SEC14L5: variants seen among roughly 807,000 people sequenced by gnomAD.
SEC14L5 encodes SEC14-like protein 5.
SEC14L5 carries 96 observed loss-of-function variants against 84.6 expected under a neutral mutation model. That is an observed-to-expected ratio of 1.13 (90% CI 0.96 to 1.34). The LOEUF (loss-of-function observed/expected upper bound fraction) is 1.34. SEC14L5 is among the 40% of genes most tolerant of loss of function. The pLI is 0.00. For missense variants in SEC14L5, 1,224 were observed against 942.5 expected, an observed-to-expected ratio of 1.30 and a Z score of -3.91; for synonymous variants, 546 against 383.4, an observed-to-expected ratio of 1.42 and a Z score of -4.95.
At chr16:4,981,255 GTTTTTTTTTTT>G (rs58882220) in intron 2 of SEC14L5, among the ~76,000 whole-genome samples, 4 of 92,934 alleles carry the variant, frequency 4.3e-5, no homozygotes, top group South Asian at 3.3e-4. Flanking sequence ...TAGCTAATTG[GTTTTTTTTTTT>G]TTTTTTTTTT....
In SEC14L5 at chr16:5,015,107, T is replaced by C; in HGVS notation, c.*137T>C. 1 of 659,330 alleles carries C rather than the reference T, an allele frequency of 1.5e-6. No individual in the cohort carries two copies. The highest frequency in any genetic ancestry group is 1.9e-5 in the South Asian group (1 of 53,060). The allele number at this position is 659,330 out of a possible 1,614,324, so 40.8% of individuals were successfully genotyped here. A position where few individuals can be genotyped will look rare whatever the true frequency, so the allele number is the denominator to read the frequency against. On this transcript the variant is annotated 3_prime_UTR_variant, in exon 16 of 16. Transcript: ENST00000251170. ...TAGATGCTGCCCAAGTTGGGGTGTC[T>C]GGAGCGGATGGCAAGGATCCAGAAC...
chr16:5,013,887 C>G (rs984171584), intron 15 of SEC14L5, among the ~76,000 whole-genome samples: 4 of 151,812 alleles, frequency 2.6e-5, no homozygotes, highest in Non-Finnish European at 4.4e-5. Context: ...GAGATGGGGT[C>G]TCACTATTTT....
chr16:5,000,013 C>T (rs1955657340), intron 8 of SEC14L5, among the ~76,000 whole-genome samples: 1 of 151,852 alleles, frequency 6.6e-6, no homozygotes, highest in African/African-American at 2.4e-5. Context: ...ATTATGGGGC[C>T]AGCTGCGGTG....
chr16:4,981,851 C>T (rs567743942), intron 2 of SEC14L5, among the ~76,000 whole-genome samples: 7 of 152,146 alleles, frequency 4.6e-5, no homozygotes, highest in Non-Finnish European at 7.3e-5. Flanking sequence ...GGACTTCTAA[C>T]CAGGCAGTCT....
At chr16:4,973,278 G>A (rs902484758) in intron 2 of SEC14L5, among the ~76,000 whole-genome samples, 2 of 152,202 alleles carry the variant, frequency 1.3e-5, no homozygotes, top group Non-Finnish European at 2.9e-5. Flanking sequence ...ACGCTGTTCT[G>A]ACCCTGTGTC....
At position 5,011,152 on chromosome 16, in the gene SEC14L5, C is replaced by A. The variant is rs199905767; in HGVS notation, c.1858C>A (p.Pro620Thr). The A allele has an allele frequency of 5.4e-4, 878 of 1,612,552 alleles. 2 individuals are homozygous for A. The African/African-American group carries it at 7.8e-3, about 14-fold the overall frequency. Residue 620 changes from proline (P) to threonine (T), a missense_variant, in exon 15 of 16, where the codon CCC (proline) becomes ACC (threonine). Transcript: ENST00000251170. ...CCTGCTCCAGTGGCAAATGCACAGC[C>A]CCCCCAGCAGCGTGGCCTGCAGCCT... ...VYLLQWQMHS[P>T]PSSVACSLPG...
chr16:4,960,528 G>A lies in SEC14L5; in HGVS notation c.63+1142G>A, dbSNP rs1955109587. On this transcript the variant is annotated intron_variant, in intron 2 of 15. Transcript: ENST00000251170. ...ATGCGTATATGTTTATTGTCACACAGAGGATTTAAAAGCATCACCAAAATC... is the reference window on the plus strand; with the variant it reads ...ATGCGTATATGTTTATTGTCACACAAAGGATTTAAAAGCATCACCAAAATC... 2.0e-5 allele frequency: 3 copies of A among 152,216 alleles called. No homozygotes were observed. In the South Asian group the frequency reaches 6.2e-4, roughly 32 times the overall value. 9.4% of individuals were successfully genotyped at this position (152,216 alleles called of 1,614,324 possible).
intron 15 of SEC14L5, among the ~76,000 whole-genome samples, chr16:5,014,409 G>T (rs978825479): frequency 3.9e-5 from 6 of 152,232 alleles, no homozygotes; most frequent in Non-Finnish European, 7.3e-5. Context: ...AGTTCTCGAG[G>T]ATGGCGCTGC....
At chr16:4,999,263 C>T (rs985063850) in intron 8 of SEC14L5, among the ~76,000 whole-genome samples, 7 of 152,128 alleles carry the variant, frequency 4.6e-5, no homozygotes, top group East Asian at 1.9e-4. Context: ...GGCTGCTGGC[C>T]GTGAGTTCAA....
rs2302556 is a variant in SEC14L5 at position 5,006,102 on chromosome 16, G to C, written c.1437+54G>C. The C allele has an allele frequency of 1.3e-3, 2,023 of 1,583,576 alleles. 18 individuals are homozygous for C. The East Asian group carries it at 0.024, about 19-fold the overall frequency. On this transcript the variant is annotated intron_variant, in intron 12 of 15. Coordinates refer to ENST00000251170, the MANE Select transcript of SEC14L5 (RefSeq NM_014692.2). ...TGGGCTTGAGGAGGGGGCATGCCTA[G>C]CTGGGAGGCTGGGATTCCCGGAGTG... is the stretch of plus-strand genomic sequence containing the variant.
chr16:4,988,228 A>G lies in SEC14L5; in HGVS notation c.293A>G (p.His98Arg), dbSNP rs750407264. Reference protein sequence around the residue: ...WKERTLLIEAHNETFANRVVV... With the variant: ...WKERTLLIEARNETFANRVVV... ...GAGAGGACGCTCCTCATCGAAGCGC[A>G]CAATGAGACCTTCGCCAACCGCGTG... Residue 98 changes from histidine (H) to arginine (R), a missense_variant, in exon 4 of 16, where the codon CAC (histidine) becomes CGC (arginine). Physicochemically the swap from His to Arg is conservative, Grantham distance 29. Coordinates refer to ENST00000251170, the MANE Select transcript of SEC14L5 (RefSeq NM_014692.2). 1.2e-6 allele frequency: 2 copies of G among 1,613,718 alleles called. No homozygotes were observed. Among genetic ancestry groups the G allele is most frequent in the Non-Finnish European group, 1.7e-6 (2 of 1,179,712 alleles).
At chr16:4,990,166 A>G (rs139461167) in intron 4 of SEC14L5, among the ~76,000 whole-genome samples, 1,900 of 142,024 alleles carry the variant, frequency 0.013, 12 homozygotes, top group Non-Finnish European at 0.019. Context: ...TATTTATTTT[A>G]TTATTTTTTT....
chr16:4,978,803 G>A (rs1202030904), intron 2 of SEC14L5, among the ~76,000 whole-genome samples: 4 of 152,084 alleles, frequency 2.6e-5, no homozygotes, highest in Non-Finnish European at 4.4e-5. Flanking sequence ...GGGTTTCACC[G>A]CGTTAGCCAG....
At chr16:4,997,089 C>T (rs1259011149) in intron 8 of SEC14L5, 45 bp downstream of exon 8, 4 of 1,378,430 alleles carry the variant, frequency 2.9e-6, no homozygotes, top group Non-Finnish European at 4.0e-6. Flanking sequence ...ACTTTGGTCA[C>T]TGCCAAATGC....
rs137875415 is a variant in SEC14L5 at position 4,993,613 on chromosome 16, T to C, written c.667+1583T>C. ...CAACCCTATTTAGGTCGTTTCAGTT[T>C]TTAAAAATACAAACAACATGGTACA... On this transcript the variant is annotated intron_variant, in intron 6 of 15. Coordinates refer to ENST00000251170, the MANE Select transcript of SEC14L5 (RefSeq NM_014692.2). 2.6e-5 allele frequency among the ~76,000 whole-genome samples: 4 copies of C among 152,362 alleles called. No homozygotes were observed. In the East Asian group the frequency reaches 7.7e-4, roughly 29 times the overall value.
intron 2 of SEC14L5, among the ~76,000 whole-genome samples, chr16:4,959,654 C>G (rs1955094802): frequency 6.6e-6 from 1 of 152,142 alleles, no homozygotes; most frequent in Admixed American, 6.6e-5. Context: ...TGATAGAAAA[C>G]AAAGGTATCA....
Position 4,997,048 on chromosome 16 carries a change from C to G in SEC14L5, c.970+4C>G. The G allele has an allele frequency of 6.3e-7, 1 of 1,598,184 alleles. No individual in the cohort carries two copies. The highest frequency in any genetic ancestry group is 2.2e-5 in the East Asian group (1 of 44,564). ...GGCTGGCATTACCAGGACATAGGTG[C>G]GTGCCTCCACCCACATCATGTATAG... is the stretch of plus-strand genomic sequence containing the variant. On this transcript the variant is annotated splice_donor_region_variant and intron_variant, in intron 8 of 15. Transcript: ENST00000251170.
At chr16:4,972,190 T>C (rs1955288001) in intron 2 of SEC14L5, among the ~76,000 whole-genome samples, 1 of 152,066 alleles carries the variant, frequency 6.6e-6, no homozygotes, top group Non-Finnish European at 1.5e-5. Flanking sequence ...TTTGTGGAGA[T>C]AGGGGTTTTG....
chr16:5,007,508 G>A (rs1955745205), intron 13 of SEC14L5, 22 bp downstream of exon 13: 1 of 1,610,156 alleles, frequency 6.2e-7, no homozygotes, highest in Non-Finnish European at 8.5e-7. Context: ...TGGCCGGGGA[G>A]GGCCCGCTGA....
Sources: allele counts gnomAD v4.1 joint callset (sites outside exome capture counted in the v4.1 genomes callset), GRCh38; gene constraint gnomAD v4.1.1; transcripts MANE v1.5; gene names NCBI Gene and HGNC (gene_info 2026-07-23, HGNC 2026-07-21).